The following RALGAPB variants were observed in gnomAD, a reference collection of about 807,000 sequenced individuals.
The protein encoded by RALGAPB is Ral GTPase activating protein non-catalytic subunit beta, also known as ral GTPase-activating protein subunit beta.
RALGAPB carries 25 observed loss-of-function variants against 161.1 expected under a neutral mutation model. The ratio of observed to expected loss-of-function variants is 0.16; its 90% CI spans 0.11 to 0.22. The LOEUF is 0.22. Ranked by LOEUF, RALGAPB falls within the 10% of genes least tolerant of loss-of-function variation. The pLI is 1.00. For synonymous variants in RALGAPB, 629 were observed against 626.1 expected, an observed-to-expected ratio of 1.00 and a Z score of -0.07; for missense variants, 1,391 against 1,815.2, an observed-to-expected ratio of 0.77 and a Z score of 4.25.
chr20:38,530,118 A>C (rs1011937336), intron 13 of RALGAPB, among the ~76,000 whole-genome samples: 1 of 152,012 alleles, frequency 6.6e-6, no homozygotes. Flanking sequence ...TGATGAAAAC[A>C]TGTGAGAACC....
Position 38,509,137 on chromosome 20 carries a change from C to T in RALGAPB, c.801C>T (p.Ala267=). ...CATTTAAAGTTCCCGATGAAGATGCCAGTCTGATCCCTCCAGAAATGGATA... is the reference window on the plus strand; with the variant it reads ...CATTTAAAGTTCCCGATGAAGATGCTAGTCTGATCCCTCCAGAAATGGATA... ...FPAFKVPDED[A]SLIPPEMDNE... Residue 267 remains alanine (A), a synonymous_variant, in exon 6 of 30, where the codon GCC becomes GCT. Transcript: ENST00000262879. 1 of 1,613,340 alleles carries T rather than the reference C, an allele frequency of 6.2e-7. No homozygotes were observed. Among genetic ancestry groups the T allele is most frequent in the Non-Finnish European group, 8.5e-7 (1 of 1,179,302 alleles).
chr20:38,568,046 A>G lies in RALGAPB; in HGVS notation c.3954+814A>G, dbSNP rs567427244. 1.3e-4 allele frequency among the ~76,000 whole-genome samples: 20 copies of G among 152,328 alleles called. No homozygotes were observed. In the South Asian group the frequency reaches 4.1e-3, roughly 32 times the overall value. ...GATGATCAGTCAGTATTGCATAGCA[A>G]TGCAAGATTTTAGCCAAATCTAATA... On this transcript the variant is annotated intron_variant, in intron 26 of 29. Coordinates refer to ENST00000262879, the MANE Select transcript of RALGAPB (RefSeq NM_020336.4).
chr20:38,562,805 G>A, intron 24 of RALGAPB, 108 bp downstream of exon 24: 1 of 1,284,106 alleles, frequency 7.8e-7, no homozygotes, highest in Non-Finnish European at 1.1e-6. Flanking sequence ...ACAAAACCAG[G>A]CTGGGTACAG....
chr20:38,558,503 C>CACGT, intron 23 of RALGAPB, 50 bp downstream of exon 23: 1 of 1,396,662 alleles, frequency 7.2e-7, no homozygotes, highest in Non-Finnish European at 9.6e-7. Flanking sequence ...GCTATAAATA[C>CACGT]ACGTCTAAAG....
At chr20:38,495,877 G>A (rs2085413731) in intron 3 of RALGAPB, among the ~76,000 whole-genome samples, 1 of 152,098 alleles carries the variant, frequency 6.6e-6, no homozygotes, top group African/African-American at 2.4e-5. Context: ...CCTGTCATTG[G>A]GCAAATACCT....
In RALGAPB at chr20:38,576,639, C is replaced by G. The variant is rs1232357062; in HGVS notation, c.*1672C>G. ...TAAGCTGGGCAATAAATTGATGTTT[C>G]CAGATGGTAACATGGGAGAGGGCAT... On this transcript the variant is annotated 3_prime_UTR_variant, in exon 30 of 30. Coordinates refer to ENST00000262879, the MANE Select transcript of RALGAPB (RefSeq NM_020336.4). The G allele has an allele frequency of 1.3e-5, 2 of 152,210 alleles. No individual in the cohort carries two copies. The highest frequency in any genetic ancestry group is 2.4e-5 in the African/African-American group (1 of 41,392). 9.4% of individuals were successfully genotyped at this position (152,210 alleles called of 1,614,324 possible).
At chr20:38,486,735 C>G (rs997182254) in intron 1 of RALGAPB, among the ~76,000 whole-genome samples, 1 of 152,102 alleles carries the variant, frequency 6.6e-6, no homozygotes, top group Non-Finnish European at 1.5e-5. Context: ...TTTATTTTTA[C>G]TAGTAATTAG....
rs901216999 is a variant in RALGAPB, at chr20:38,568,387, G to A, written c.3954+1155G>A. The A allele has an allele frequency of 8.5e-5, 13 of 152,138 alleles. 1 individual carries two copies. Among genetic ancestry groups the A allele is most frequent in the Non-Finnish European group, 1.9e-4 (13 of 68,036 alleles). 9.4% of individuals were successfully genotyped at this position (152,138 alleles called of 1,614,324 possible). On this transcript the variant is annotated intron_variant, in intron 26 of 29. Transcript: ENST00000262879. The stretch of plus-strand genomic sequence containing the variant: ...ACTATGAATAGAACTTTCTCAACTT[G>A]ATACAGAGCATCTACTAAAAACCTA...
intron 5 of RALGAPB, among the ~76,000 whole-genome samples, chr20:38,503,732 A>G (rs1340317027): frequency 6.6e-6 from 1 of 152,248 alleles, no homozygotes; most frequent in African/African-American, 2.4e-5. Flanking sequence ...TACTATGGGT[A>G]AAATGCTATG....
intron 19 of RALGAPB, among the ~76,000 whole-genome samples, chr20:38,548,475 T>C (rs2087249883): frequency 6.6e-6 from 1 of 152,206 alleles, no homozygotes; most frequent in Non-Finnish European, 1.5e-5. Flanking sequence ...TGATTTTCCA[T>C]TTAGAGATGC....
In RALGAPB at chr20:38,551,204, A is replaced by G; in HGVS notation, c.3143A>G (p.His1048Arg). 1 of 1,613,908 alleles carries G rather than the reference A, an allele frequency of 6.2e-7. No homozygotes were observed. Among genetic ancestry groups the G allele is most frequent in the Non-Finnish European group, 8.5e-7 (1 of 1,179,800 alleles). Reference sequence around the variant, plus strand: ...GCAGATCTCAGCATTCCAGATTTGCATGAAATAGTCACTGAAGAAGTAAGT... The same window carrying G: ...GCAGATCTCAGCATTCCAGATTTGCGTGAAATAGTCACTGAAGAAGTAAGT... ...VKADLSIPDLHEIVTEELEER... is the reference protein window; with the variant it reads ...VKADLSIPDLREIVTEELEER... Residue 1048 changes from histidine to arginine, a missense_variant, in exon 21 of 30, where the codon CAT (histidine) becomes CGT (arginine). Physicochemically the swap from His to Arg is conservative, Grantham distance 29 (BLOSUM62 0). Around this residue, in one of 3 missense-constraint regions of RALGAPB, gnomAD observed 9 missense variants for 31.0 expected, o/e 0.29. Coordinates refer to ENST00000262879, the MANE Select transcript of RALGAPB (RefSeq NM_020336.4).
Position 38,554,095 on chromosome 20 carries a change from T to C in RALGAPB, c.3372+19T>C, listed in dbSNP as rs780467025. ...ACTGAAGGTAATTTTCATGAACTTTTATGAATAAATATATTCACAAGTTAA... is the reference window on the plus strand; with the variant it reads ...ACTGAAGGTAATTTTCATGAACTTTCATGAATAAATATATTCACAAGTTAA... On this transcript the variant is annotated intron_variant, in intron 22 of 29. Transcript: ENST00000262879. 5 of 1,533,110 alleles carry C rather than the reference T, an allele frequency of 3.3e-6. No individual in the cohort carries two copies. The African/African-American group carries it at 4.1e-5, about 13-fold the overall frequency. The allele number at this position is 1,533,110 out of a possible 1,614,324, so 95.0% of individuals were successfully genotyped here. A position where few individuals can be genotyped will look rare whatever the true frequency, so the allele number is the denominator to read the frequency against.
intron 16 of RALGAPB, among the ~76,000 whole-genome samples, chr20:38,537,339 C>G (rs1230337225): frequency 6.6e-6 from 1 of 152,096 alleles, no homozygotes; most frequent in Non-Finnish European, 1.5e-5. Context: ...GCACTATGAA[C>G]AAAAATTAAC....
In RALGAPB at chr20:38,572,185, T is replaced by C. The variant is rs530224845; in HGVS notation, c.4142+1338T>C. Among the ~76,000 whole-genome samples, 3 of 152,284 alleles carry C rather than the reference T, an allele frequency of 2.0e-5. No individual in the cohort carries two copies. The South Asian group carries it at 6.2e-4, about 32-fold the overall frequency. On this transcript the variant is annotated intron_variant, in intron 28 of 29. Coordinates refer to ENST00000262879, the MANE Select transcript of RALGAPB (RefSeq NM_020336.4). Reference sequence around the variant, plus strand: ...TCATATGAGCTAATTAACGGAAATATGTTTCTAAGCAAAATGTAATACTTT... The same window carrying C: ...TCATATGAGCTAATTAACGGAAATACGTTTCTAAGCAAAATGTAATACTTT...
chr20:38,482,231 A>T (rs2084990246), intron 1 of RALGAPB, among the ~76,000 whole-genome samples: 1 of 152,154 alleles, frequency 6.6e-6, no homozygotes, highest in South Asian at 2.1e-4. Context: ...AAAGGTCTTC[A>T]TCCTCATCAT....
chr20:38,537,849 A>T (rs762367657), intron 16 of RALGAPB: 2 of 152,216 alleles, frequency 1.3e-5, no homozygotes, highest in Admixed American at 6.5e-5. Flanking sequence ...GCAGAAGGTG[A>T]CTACTCTGGA....
rs748081806 is a variant in RALGAPB at position 38,517,606 on chromosome 20, G to A, written c.1152G>A (p.Arg384=). The A allele has an allele frequency of 3.7e-6, 6 of 1,613,916 alleles. No homozygotes were observed. The Admixed American group carries it at 1.0e-4, about 27-fold the overall frequency. The change falls in exon 8 of 30, where the codon CGG becomes CGA. Residue 384 remains arginine (R), a synonymous_variant. Coordinates refer to ENST00000262879, the MANE Select transcript of RALGAPB (RefSeq NM_020336.4). Reference sequence around the variant, plus strand: ...TCAGTACCACCCCCCCACATAACCGGAGGCACCGGGCTGTTACTGTGAATA... The same window carrying A: ...TCAGTACCACCCCCCCACATAACCGAAGGCACCGGGCTGTTACTGTGAATA... ...AAVSTTPPHN[R]RHRAVTVNKA...
chr20:38,498,868 C>T (rs928460594), intron 4 of RALGAPB, among the ~76,000 whole-genome samples: 1 of 152,160 alleles, frequency 6.6e-6, no homozygotes, highest in Non-Finnish European at 1.5e-5. Context: ...TGAAGGGTGG[C>T]TTTCAAATAC....
chr20:38,564,082 C>G (rs1015499332), intron 24 of RALGAPB, among the ~76,000 whole-genome samples: 2 of 152,102 alleles, frequency 1.3e-5, no homozygotes, highest in Admixed American at 1.3e-4. Context: ...GAACTAGTAT[C>G]AGAGGTCAGT....
Sources: allele counts gnomAD v4.1 joint callset (sites outside exome capture counted in the v4.1 genomes callset), GRCh38; gene constraint gnomAD v4.1.1; regional missense constraint gnomAD v4.1.1; transcripts MANE v1.5; gene names NCBI Gene and HGNC (gene_info 2026-07-23, HGNC 2026-07-21).